The following HMCN2 variants were observed in gnomAD, a reference collection of about 807,000 sequenced individuals.
The protein encoded by HMCN2 is hemicentin 2.
A neutral mutation model predicts 377.5 loss-of-function variants in HMCN2; 325 were observed. The observed-to-expected ratio is 0.86, with a 90% CI of 0.79 to 0.94. HMCN2 has a LOEUF of 0.94. HMCN2 is among the 40% of genes least tolerant of loss of function. HMCN2 has a pLI of 0.00. For missense variants in HMCN2, 4,543 were observed against 4,725.3 expected, an observed-to-expected ratio of 0.96 and a Z score of 1.13; for synonymous variants, 2,007 against 2,046.8, an observed-to-expected ratio of 0.98 and a Z score of 0.53.
At chr9:130,276,844 G>A (rs1834722131) in intron 1 of HMCN2, among the ~76,000 whole-genome samples, 1 of 152,200 alleles carries the variant, frequency 6.6e-6, no homozygotes, top group Non-Finnish European at 1.5e-5. Context: ...GAGGTGGTTT[G>A]ATGATGGTGG....
At chr9:130,346,994 C>G (rs1458194989) in intron 25 of HMCN2, among the ~76,000 whole-genome samples, 172 bp from the exon 26 acceptor site, 7 of 152,076 alleles carry the variant, frequency 4.6e-5, no homozygotes, top group Non-Finnish European at 1.0e-4. Context: ...GGTGTGGGGG[C>G]TCCCACGGCT....
Position 130,396,822 on chromosome 9 carries a change from A to G in HMCN2, c.11198+509A>G, listed in dbSNP as rs374820125. Among the ~76,000 whole-genome samples the G allele has an allele frequency of 9.8e-5, 15 of 152,366 alleles. No individual in the cohort carries two copies. The East Asian group carries it at 2.5e-3, about 25-fold the overall frequency. The stretch of plus-strand genomic sequence containing the variant: ...AGGGGCGGGATTGCACAGTACAGAC[A>G]TGGCCCTTGGAAAGGGCATTTTTCA... On this transcript the variant is annotated intron_variant, in intron 73 of 97. Transcript: ENST00000683500.
rs1842512142 is a variant in HMCN2 at position 130,394,649 on chromosome 9, A to G, written c.10692+74A>G. The G allele has an allele frequency of 1.7e-6, 2 of 1,150,100 alleles. No individual in the cohort carries two copies. The highest frequency in any genetic ancestry group is 2.2e-6 in the Non-Finnish European group (2 of 891,718). The allele number at this position is 1,150,100 out of a possible 1,614,324, so 71.2% of individuals were successfully genotyped here. The stretch of plus-strand genomic sequence containing the variant: ...GAGGGACTGCAGGTTCCCCAGACCC[A>G]GTGGGCAGTTGACAAAGTTGGGCTG... On this transcript the variant is annotated intron_variant, in intron 69 of 97. Transcript: ENST00000683500. The surrounding 1 kb of genome is among the most constrained non-coding windows in gnomAD (Gnocchi z 5.1).
intron 84 of HMCN2, 72 bp from the exon 85 acceptor site, chr9:130,410,499 C>A: frequency 7.1e-7 from 1 of 1,417,814 alleles, no homozygotes; most frequent in Non-Finnish European, 9.7e-7. Flanking sequence ...GCCCTCAGTC[C>A]CCTACCCAAC....
At chr9:130,357,207 A>C (rs1367427191) in intron 34 of HMCN2, among the ~76,000 whole-genome samples, 2 of 73,270 alleles carry the variant, frequency 2.7e-5, no homozygotes, top group South Asian at 9.1e-4. Context: ...GATGGATGGA[A>C]GGGCGGGTAG....
chr9:130,271,650 G>C (rs1834414588), intron 1 of HMCN2, among the ~76,000 whole-genome samples: 1 of 148,692 alleles, frequency 6.7e-6, no homozygotes, highest in Non-Finnish European at 1.5e-5. Flanking sequence ...AGTGGCTCCA[G>C]GCTCATCTTA....
intron 96 of HMCN2, 62 bp from the exon 97 acceptor site, chr9:130,432,367 C>T (rs1348593897): frequency 6.6e-7 from 1 of 1,507,986 alleles, no homozygotes; most frequent in African/African-American, 1.4e-5. Flanking sequence ...CACGCACTCC[C>T]CCCTTCTCCT....
In HMCN2 at chr9:130,360,830, C is replaced by T. The variant is rs1426254744; in HGVS notation, c.5950+226C>T. On this transcript the variant is annotated intron_variant, in intron 38 of 97. Coordinates refer to ENST00000683500, the MANE Select transcript of HMCN2 (RefSeq NM_001291815.2). This position sits in a 1 kb window ranked among gnomAD's most constrained non-coding sequence, Gnocchi z 4.7. ...CCATCCACCCCTCCATCCATCCACC[C>T]ATCCACTCATCCACCTATCCACCCA... 6.6e-6 allele frequency among the ~76,000 whole-genome samples: 1 copy of T among 151,392 alleles called. No individual in the cohort carries two copies. The highest frequency in any genetic ancestry group is 1.5e-5 in the Non-Finnish European group (1 of 67,810).
chr9:130,425,572 G>A (rs960755873), intron 89 of HMCN2, 115 bp from the exon 90 acceptor site: 2 of 774,824 alleles, frequency 2.6e-6, no homozygotes, highest in Middle Eastern at 2.6e-4. Flanking sequence ...TGGGGTAAGG[G>A]TCTCAGGCTG....
chr9:130,414,666 C>A lies in HMCN2; in HGVS notation c.12961+4014C>A, dbSNP rs538149240. Among the ~76,000 whole-genome samples the A allele has an allele frequency of 2.0e-5, 3 of 151,050 alleles. No individual in the cohort carries two copies. The South Asian group carries it at 6.3e-4, about 32-fold the overall frequency. ...TGACTCTGTTGCCCAGGCTGGAGTG[C>A]AGTGACATGATCAGGGCTCACTGCA... On this transcript the variant is annotated intron_variant, in intron 85 of 97. Transcript: ENST00000683500. The surrounding 1 kb of genome is among the most constrained non-coding windows in gnomAD (Gnocchi z 4.4).
rs1842130639 is a variant in HMCN2, at chr9:130,388,472, T to C, written c.9455T>C (p.Val3152Ala). ...TVSQVAGSPL[V>A]LTCDVSGVPA... is the part of the protein sequence containing the mutation. ...AGCCAGGTGGCTGGGAGCCCCCTGGTCCTGACCTGTGATGTGTCCGGGGTC... is the reference window on the plus strand; with the variant it reads ...AGCCAGGTGGCTGGGAGCCCCCTGGCCCTGACCTGTGATGTGTCCGGGGTC... The change falls in exon 62 of 98, where the codon GTC becomes GCC. Residue 3152 changes from valine (V) to alanine (A), a missense_variant. Val to Ala is a moderately conservative substitution (Grantham distance 64). Coordinates refer to ENST00000683500, the MANE Select transcript of HMCN2 (RefSeq NM_001291815.2). The C allele has an allele frequency of 1.0e-6, 1 of 987,970 alleles. No individual in the cohort carries two copies. Among genetic ancestry groups the C allele is most frequent in the Non-Finnish European group, 1.2e-6 (1 of 830,118 alleles). The allele number at this position is 987,970 out of a possible 1,614,324, so 61.2% of individuals were successfully genotyped here. A position where few individuals can be genotyped will look rare whatever the true frequency, so the allele number is the denominator to read the frequency against.
rs1588446388 is a variant in HMCN2 at position 130,427,229 on chromosome 9, G to A, written c.13880-84G>A. The A allele has an allele frequency of 5.0e-6, 7 of 1,389,606 alleles. No homozygotes were observed. In the East Asian group the frequency reaches 7.5e-5, roughly 15 times the overall value. 86.1% of individuals were successfully genotyped at this position (1,389,606 alleles called of 1,614,324 possible). On this transcript the variant is annotated intron_variant, in intron 90 of 97. Coordinates refer to ENST00000683500, the MANE Select transcript of HMCN2 (RefSeq NM_001291815.2). Reference sequence around the variant, plus strand: ...CTGCCTGGCTAAGCTGGCAGTGGGGGAGCTGTGAGCCTGGGCTATGGCCAG... The same window carrying A: ...CTGCCTGGCTAAGCTGGCAGTGGGGAAGCTGTGAGCCTGGGCTATGGCCAG...
rs932386204 is a variant in HMCN2 at position 130,391,014 on chromosome 9, C to G, written c.9561C>G (p.Gly3187=). The G allele has an allele frequency of 9.8e-5, 97 of 987,462 alleles. No individual in the cohort carries two copies. The highest frequency in any genetic ancestry group is 5.1e-4 in the South Asian group (11 of 21,362). The allele number at this position is 987,462 out of a possible 1,614,324, so 61.2% of individuals were successfully genotyped here. Residue 3187 remains glycine (G), a synonymous_variant, in exon 63 of 98, where the codon GGC becomes GGG. Transcript: ENST00000683500. ...SAVHGVVSRG[G]RLQLSRLQPA... ...TGCACGGTGTGGTCTCCCGGGGGGG[C>G]CGCCTCCAGCTGAGCCGCCTGCAAC...
chr9:130,286,081 A>C (rs1424594469), intron 3 of HMCN2, 107 bp from the exon 4 acceptor site: 2 of 419,674 alleles, frequency 4.8e-6, no homozygotes, highest in East Asian at 1.4e-4. Context: ...TGACAGACAG[A>C]GGAGAGGGCC....
At chr9:130,377,891 C>A in intron 53 of HMCN2, 92 bp downstream of exon 53, 1 of 920,452 alleles carries the variant, frequency 1.1e-6, no homozygotes, top group Non-Finnish European at 1.3e-6. Context: ...ATGTGTCCTG[C>A]AGCTCACGCG....
intron 89 of HMCN2, 135 bp downstream of exon 89, chr9:130,425,265 T>A: frequency 9.5e-7 from 1 of 1,056,836 alleles, no homozygotes; most frequent in Non-Finnish European, 1.3e-6. Flanking sequence ...CAGTCTAGCC[T>A]TGGACTTAGG....
intron 1 of HMCN2, among the ~76,000 whole-genome samples, chr9:130,280,168 G>GTT (rs1236609644): frequency 6.9e-5 from 8 of 116,112 alleles, no homozygotes; most frequent in East Asian, 2.6e-4. Context: ...TTTTTTTTTG[G>GTT]TTTTTTTTTT....
rs1027482218 is a variant in HMCN2 at position 130,306,109 on chromosome 9, A to G, written c.1817-20A>G. ...TGCTCTGATGGGCTCATCCTCGCCT[A>G]TCCACTTTTTGGGTCACAGAGGCCC... On this transcript the variant is annotated intron_variant, in intron 11 of 97. Coordinates refer to ENST00000683500, the MANE Select transcript of HMCN2 (RefSeq NM_001291815.2). The G allele has an allele frequency of 8.5e-6, 4 of 470,718 alleles. No homozygotes were observed. The highest frequency in any genetic ancestry group is 4.7e-5 in the Admixed American group (2 of 42,548). 29.2% of individuals were successfully genotyped at this position (470,718 alleles called of 1,614,324 possible).
chr9:130,401,393 C>T (rs1037957693), intron 77 of HMCN2, among the ~76,000 whole-genome samples: 3 of 152,012 alleles, frequency 2.0e-5, no homozygotes, highest in South Asian at 2.1e-4. Context: ...GAGCTATCTC[C>T]GCTCACTGCA....
Sources: allele counts gnomAD v4.1 joint callset (sites outside exome capture counted in the v4.1 genomes callset), GRCh38; gene constraint gnomAD v4.1.1; non-coding constraint Gnocchi (gnomAD v3.1); transcripts MANE v1.5; gene names NCBI Gene and HGNC (gene_info 2026-07-23, HGNC 2026-07-21).